RNF217: variants seen among roughly 807,000 people sequenced by gnomAD.
RNF217 encodes E3 ubiquitin-protein ligase RNF217.
In RNF217, 31 loss-of-function variants were observed where a neutral mutation model predicts 57.8. The observed-to-expected ratio is 0.54, with a 90% CI of 0.40 to 0.72. The LOEUF (loss-of-function observed/expected upper bound fraction) is 0.72, where lower values mean the gene tolerates loss of function less well. Among genes scored for constraint, RNF217 ranks in the 30% least tolerant of loss-of-function variants. The pLI, the probability that RNF217 is intolerant of heterozygous loss-of-function variation, is 0.00. For missense variants in RNF217, 696 were observed against 708.3 expected (o/e 0.98, Z 0.20); for synonymous variants, 313 against 294.0 (o/e 1.06, Z -0.66).
At chr6:125,069,201 A>G (rs912994423) in intron 3 of RNF217, among the ~76,000 whole-genome samples, 1 of 152,184 alleles carries the variant, frequency 6.6e-6, no homozygotes, top group Non-Finnish European at 1.5e-5. Flanking sequence ...TACATTGGAG[A>G]CAATTATTGC....
At position 125,076,805 on chromosome 6, in the gene RNF217, G is replaced by A. The variant is rs373435638; in HGVS notation, c.1430G>A (p.Arg477His). The A allele has an allele frequency of 8.1e-6, 13 of 1,613,516 alleles. No individual in the cohort carries two copies. The highest frequency in any genetic ancestry group is 1.3e-5 in the African/African-American group (1 of 74,934). The change falls in exon 4 of 6, where the codon CGC becomes CAC. Residue 477 changes from arginine (R) to histidine (H), a missense_variant. Transcript: ENST00000521654. ...SNLSIFGCKYRYLPERPHLRR... is the reference protein window; with the variant it reads ...SNLSIFGCKYHYLPERPHLRR... ...CTCAGTATATTTGGATGCAAATATCGCTACCTCCCAGAGAGACCTCATTTA... is the reference window on the plus strand; with the variant it reads ...CTCAGTATATTTGGATGCAAATATCACTACCTCCCAGAGAGACCTCATTTA...
At chr6:124,971,933 C>T (rs1783779006) in intron 1 of RNF217, among the ~76,000 whole-genome samples, 1 of 152,162 alleles carries the variant, frequency 6.6e-6, no homozygotes, top group East Asian at 1.9e-4. Flanking sequence ...ATCTTACCCA[C>T]TCTCATGGTT....
At chr6:125,024,007 G>A (rs1202132924) in intron 1 of RNF217, among the ~76,000 whole-genome samples, 1 of 152,152 alleles carries the variant, frequency 6.6e-6, no homozygotes, top group Non-Finnish European at 1.5e-5. Context: ...CTATTGTACA[G>A]TATGGTGACT....
At chr6:125,016,830 T>C (rs539555899) in intron 1 of RNF217, among the ~76,000 whole-genome samples, 13 of 152,132 alleles carry the variant, frequency 8.5e-5, no homozygotes, top group African/African-American at 2.7e-4. Context: ...ATACCTAATA[T>C]AGATGATGGG....
chr6:125,086,848 C>T lies in RNF217; in HGVS notation c.*3911C>T, dbSNP rs1788783979. On this transcript the variant is annotated 3_prime_UTR_variant, in exon 6 of 6. Coordinates refer to ENST00000521654, the MANE Select transcript of RNF217 (RefSeq NM_001286398.3). Reference sequence around the variant, plus strand: ...ATTCAGTGGTGCTTGTCAGAAAATACCTTGTTCTGTGACTCTGACTATCTC... The same window carrying T: ...ATTCAGTGGTGCTTGTCAGAAAATATCTTGTTCTGTGACTCTGACTATCTC... The T allele has an allele frequency of 6.6e-6, 1 of 152,012 alleles. No individual in the cohort carries two copies. Among genetic ancestry groups the T allele is most frequent in the Non-Finnish European group, 1.5e-5 (1 of 67,980 alleles). The allele number at this position is 152,012 out of a possible 1,614,324, so 9.4% of individuals were successfully genotyped here.
Position 124,963,180 on chromosome 6 carries a change from A to G in RNF217, c.636A>G (p.Pro212=). The G allele has an allele frequency of 2.6e-6, 4 of 1,535,812 alleles. No individual in the cohort carries two copies. Among genetic ancestry groups the G allele is most frequent in the Non-Finnish European group, 3.5e-6 (4 of 1,146,824 alleles). The change falls in exon 1 of 6, where the codon CCA becomes CCG. Residue 212 remains proline, a synonymous_variant. Coordinates refer to ENST00000521654, the MANE Select transcript of RNF217 (RefSeq NM_001286398.3). ...SSFPSPRLSL[P]TDSLSPDGGS... is the part of the protein sequence containing the mutation. ...TCCCCAGCCCCCGACTGTCCCTCCCAACGGATTCCCTCTCCCCCGACGGCG... is the reference window on the plus strand; with the variant it reads ...TCCCCAGCCCCCGACTGTCCCTCCCGACGGATTCCCTCTCCCCCGACGGCG...
chr6:125,075,154 A>AT (rs1026263866), intron 3 of RNF217, among the ~76,000 whole-genome samples: 17 of 151,990 alleles, frequency 1.1e-4, no homozygotes, highest in East Asian at 1.9e-4. Context: ...GGTTTTTGCA[A>AT]TTTTTTTTAG....
At chr6:125,071,536 G>GTGTGTGTATATATA (rs1562495518) in intron 3 of RNF217, among the ~76,000 whole-genome samples, 1 of 143,148 alleles carries the variant, frequency 7.0e-6, no homozygotes, top group Non-Finnish European at 1.5e-5. Context: ...GTGTGTGTGT[G>GTGTGTGTATATATA]TATATCTTAT....
chr6:124,998,921 A>G (rs998608379), intron 1 of RNF217, among the ~76,000 whole-genome samples: 2 of 152,252 alleles, frequency 1.3e-5, no homozygotes, highest in African/African-American at 4.8e-5. Flanking sequence ...CTTACATGTA[A>G]TAGGCCCTGA....
intron 5 of RNF217, chr6:125,082,624 T>A: frequency 6.4e-7 from 1 of 1,574,630 alleles, no homozygotes; most frequent in South Asian, 1.2e-5. Context: ...TAAACCAAAG[T>A]TTTGATATTT....
At chr6:124,975,197 T>A (rs1451470030) in intron 1 of RNF217, among the ~76,000 whole-genome samples, 1 of 152,202 alleles carries the variant, frequency 6.6e-6, no homozygotes, top group Non-Finnish European at 1.5e-5. Context: ...ATGAAACTCA[T>A]GAGCTCTGAG....
rs1056278434 is a variant in RNF217, at chr6:125,082,996, A to G, written c.*59A>G. ...GAGTAGGAGCGATACCAAAGGGTAC[A>G]CCCATCTGTGAGTCACATCTTGAAA... is the stretch of plus-strand genomic sequence containing the variant. On this transcript the variant is annotated 3_prime_UTR_variant, in exon 6 of 6. Coordinates refer to ENST00000521654, the MANE Select transcript of RNF217 (RefSeq NM_001286398.3). 8.5e-7 allele frequency: 1 copy of G among 1,172,038 alleles called. No homozygotes were observed. The allele number at this position is 1,172,038 out of a possible 1,614,324, so 72.6% of individuals were successfully genotyped here.
At chr6:125,025,975 A>G (rs1375039652) in intron 1 of RNF217, among the ~76,000 whole-genome samples, 1 of 152,140 alleles carries the variant, frequency 6.6e-6, no homozygotes, top group Non-Finnish European at 1.5e-5. Flanking sequence ...GAAATGGTTC[A>G]TGGGTAAGAA....
At chr6:124,988,726 T>A (rs1191161478) in intron 1 of RNF217, among the ~76,000 whole-genome samples, 4 of 152,256 alleles carry the variant, frequency 2.6e-5, no homozygotes, top group Admixed American at 2.6e-4. Flanking sequence ...TTTAAACTTC[T>A]CTAATTAAAG....
intron 1 of RNF217, among the ~76,000 whole-genome samples, chr6:124,995,901 G>T (rs1037918958): frequency 1.3e-5 from 2 of 152,062 alleles, no homozygotes; most frequent in African/African-American, 4.8e-5. Flanking sequence ...CAGCCTGGGT[G>T]ATGAGCAAGA....
intron 1 of RNF217, among the ~76,000 whole-genome samples, chr6:125,036,319 T>C (rs189847394): frequency 1.3e-3 from 193 of 152,286 alleles, no homozygotes; most frequent in African/African-American, 4.3e-3. Flanking sequence ...CTTTATCCAG[T>C]CTATCATTGA....
At chr6:124,998,094 C>T (rs1175261365) in intron 1 of RNF217, among the ~76,000 whole-genome samples, 2 of 152,196 alleles carry the variant, frequency 1.3e-5, no homozygotes, top group African/African-American at 4.8e-5. Context: ...CCAGACCATT[C>T]ACCACTTCAT....
At chr6:125,038,928 C>T (rs1479862620) in intron 1 of RNF217, among the ~76,000 whole-genome samples, 1 of 151,984 alleles carries the variant, frequency 6.6e-6, no homozygotes, top group Admixed American at 6.6e-5. Flanking sequence ...ACTATCAACC[C>T]ATCACCTGGG....
At chr6:125,072,628 A>G (rs948208021) in intron 3 of RNF217, among the ~76,000 whole-genome samples, 7 of 152,214 alleles carry the variant, frequency 4.6e-5, no homozygotes, top group East Asian at 1.9e-4. Context: ...AGTGAAAATT[A>G]TATGTGAAAT....
Sources: gnomAD v4.1 joint callset for allele counts (sites outside exome capture counted in the v4.1 genomes callset) on GRCh38, gnomAD v4.1.1 for gene constraint, MANE v1.5 for transcripts, NCBI Gene and HGNC (gene_info 2026-07-23, HGNC 2026-07-21) for gene names.